Variants in FRMD6 observed in about 807,000 individuals in gnomAD.
FRMD6 encodes FERM domain containing 6.
In FRMD6, 37 loss-of-function variants were observed where a neutral mutation model predicts 73.2. That is an observed-to-expected ratio of 0.51 (90% confidence interval 0.39 to 0.66). The LOEUF (loss-of-function observed/expected upper bound fraction) is 0.66, where lower values mean the gene tolerates loss of function less well. FRMD6 is among the 30% of genes least tolerant of loss of function. FRMD6 has a pLI of 0.00. For synonymous variants in FRMD6, 273 were observed against 282.2 expected (o/e 0.97, Z 0.33); for missense variants, 714 against 780.5 (o/e 0.91, Z 1.02).
chr14:51,449,027 T>A, the FRMD6 span, among the ~76,000 whole-genome samples: 1 of 152,214 alleles, frequency 6.6e-6, no homozygotes, highest in African/African-American at 2.4e-5. Flanking sequence ...TAGAAAAACC[T>A]GATGCTGCTT....
chr14:51,425,428 G>C, the FRMD6 span, among the ~76,000 whole-genome samples: 2 of 152,050 alleles, frequency 1.3e-5, no homozygotes. Context: ...GGAAAACCCT[G>C]CCAAATGACC....
chr14:51,589,088 A>C (rs1889223707), intron 2 of FRMD6, among the ~76,000 whole-genome samples: 1 of 152,156 alleles, frequency 6.6e-6, no homozygotes, highest in Non-Finnish European at 1.5e-5. Context: ...AAAATGACAA[A>C]TATTTACTTT....
At chr14:51,499,794 C>G (rs1363764892) in intron 1 of FRMD6, among the ~76,000 whole-genome samples, 2 of 152,188 alleles carry the variant, frequency 1.3e-5, no homozygotes, top group Non-Finnish European at 2.9e-5. Flanking sequence ...ACTCTAATTT[C>G]TTTTGGTCAC....
the FRMD6 span, among the ~76,000 whole-genome samples, chr14:51,470,432 G>A: frequency 3.3e-5 from 5 of 151,990 alleles, no homozygotes; most frequent in East Asian, 3.9e-4. Context: ...CCCGGGAGGC[G>A]GAGGTTGCAG....
intron 2 of FRMD6, among the ~76,000 whole-genome samples, chr14:51,633,729 T>G (rs916671009): frequency 6.6e-6 from 1 of 151,994 alleles, no homozygotes; most frequent in African/African-American, 2.4e-5. Context: ...ATAATAACTC[T>G]AATCAATTTC....
chr14:51,469,231 G>A, the FRMD6 span, among the ~76,000 whole-genome samples: 1 of 151,358 alleles, frequency 6.6e-6, no homozygotes, highest in East Asian at 1.9e-4. Context: ...GAGCCACTGC[G>A]CCCAGCCTAC....
intron 12 of FRMD6, among the ~76,000 whole-genome samples, chr14:51,723,092 A>G (rs938068501): frequency 2.0e-5 from 3 of 152,182 alleles, no homozygotes; most frequent in Admixed American, 2.0e-4. Context: ...TCTGACCAAC[A>G]CTGACTCATT....
At chr14:51,707,538 C>T (rs2140490426) in intron 6 of FRMD6, among the ~76,000 whole-genome samples, 1 of 152,242 alleles carries the variant, frequency 6.6e-6, no homozygotes, top group Non-Finnish European at 1.5e-5. Flanking sequence ...ACGGTTTTCT[C>T]ATAAGTATTC....
chr14:51,501,704 A>G (rs1230028127), intron 1 of FRMD6, among the ~76,000 whole-genome samples: 1 of 152,056 alleles, frequency 6.6e-6, no homozygotes, highest in Non-Finnish European at 1.5e-5. Context: ...TTTATAATAA[A>G]ACAATATATA....
intron 1 of FRMD6, among the ~76,000 whole-genome samples, chr14:51,502,467 A>G (rs1038983594): frequency 3.9e-5 from 6 of 152,108 alleles, no homozygotes; most frequent in African/African-American, 1.4e-4. Context: ...TCTTTTCCCC[A>G]TTGTTTGTTT....
chr14:51,664,890 A>G (rs1289849837), intron 1 of FRMD6, among the ~76,000 whole-genome samples: 1 of 152,234 alleles, frequency 6.6e-6, no homozygotes, highest in Non-Finnish European at 1.5e-5. Context: ...GAACAAATAC[A>G]CGAGGCCAAT....
the FRMD6 span, among the ~76,000 whole-genome samples, chr14:51,470,332 T>G: frequency 6.6e-6 from 1 of 152,250 alleles, no homozygotes; most frequent in Admixed American, 6.5e-5. Context: ...GGCTGGCCGA[T>G]ATGGTGAAAC....
chr14:51,530,605 C>T (rs975263611), intron 1 of FRMD6, among the ~76,000 whole-genome samples: 12 of 151,930 alleles, frequency 7.9e-5, no homozygotes, highest in African/African-American at 2.9e-4. Context: ...CTCGGCCTCC[C>T]GAGTAGCTGG....
intron 1 of FRMD6, among the ~76,000 whole-genome samples, chr14:51,549,615 T>TTTTG (rs1886681155): frequency 7.0e-6 from 1 of 143,778 alleles, no homozygotes. Context: ...TTTTTTTTTT[T>TTTTG]GAGACAGAGT....
chr14:51,416,205 T>C, the FRMD6 span, among the ~76,000 whole-genome samples: 6 of 152,334 alleles, frequency 3.9e-5, no homozygotes, highest in East Asian at 1.2e-3. Context: ...CTTTTGAATT[T>C]GTTTGCTCTT....
rs1323521492 is a variant in FRMD6 at position 51,625,490 on chromosome 14, A to G, written c.-147+55080A>G. ...TGTTGTTGTTGTTAATGATGGTGAA[A>G]AAAACAGACATATTTCTACCCACAG... On this transcript the variant is annotated intron_variant, in intron 2 of 14. Transcript: ENST00000356218. Among the ~76,000 whole-genome samples, 4 of 152,176 alleles carry G rather than the reference A, an allele frequency of 2.6e-5. No homozygotes were observed. In the East Asian group the frequency reaches 5.8e-4, roughly 22 times the overall value.
At chr14:51,569,693 G>T (rs773205503) in intron 1 of FRMD6, among the ~76,000 whole-genome samples, 2 of 151,018 alleles carry the variant, frequency 1.3e-5, no homozygotes, top group South Asian at 4.2e-4. Context: ...GTGGAGACAG[G>T]GTTTTGCCAT....
chr14:51,578,054 A>G (rs1170183446), intron 2 of FRMD6, among the ~76,000 whole-genome samples: 9 of 152,200 alleles, frequency 5.9e-5, no homozygotes, highest in Non-Finnish European at 1.3e-4. Flanking sequence ...CTCAATAAGC[A>G]GAAGCCATCG....
intron 1 of FRMD6, among the ~76,000 whole-genome samples, chr14:51,532,514 C>A (rs1885650289): frequency 6.6e-6 from 1 of 152,128 alleles, no homozygotes; most frequent in Non-Finnish European, 1.5e-5. Context: ...GTGCCCACCC[C>A]AGGGTCCATG....
Sources: allele counts gnomAD v4.1 joint callset (sites outside exome capture counted in the v4.1 genomes callset), GRCh38; gene constraint gnomAD v4.1.1; transcripts MANE v1.5; gene names NCBI Gene and HGNC (gene_info 2026-07-23, HGNC 2026-07-21).